The following RALY variants were observed in gnomAD, a reference collection of about 807,000 sequenced individuals.
The protein encoded by RALY is RNA-binding protein Raly.
A neutral mutation model predicts 30.7 loss-of-function variants in RALY; 15 were observed. The observed-to-expected ratio is 0.49, with a 90% CI of 0.33 to 0.75. The LOEUF (loss-of-function observed/expected upper bound fraction) is 0.75. RALY is among the 30% of genes least tolerant of loss of function. The pLI is 0.02. For synonymous variants in RALY, 177 were observed against 170.8 expected (o/e 1.04, Z -0.28); for missense variants, 339 against 414.3 (o/e 0.82, Z 1.58).
intron 2 of RALY, among the ~76,000 whole-genome samples, chr20:34,031,988 G>A (rs2032297923): frequency 6.6e-6 from 1 of 152,118 alleles, no homozygotes; most frequent in South Asian, 2.1e-4. Flanking sequence ...TTGAGATGGA[G>A]TTTCGCTCTT....
intron 2 of RALY, among the ~76,000 whole-genome samples, chr20:34,062,187 C>T (rs2033437334): frequency 6.6e-6 from 1 of 152,116 alleles, no homozygotes; most frequent in Non-Finnish European, 1.5e-5. Context: ...GCTAGATAGG[C>T]CTGGCATATA....
rs190757838 is a variant in RALY, at chr20:34,042,872, A to G, written c.-10+11268A>G. ...GAATAACAAAATTCCATTTCCCAAG[A>G]GTGTCAGATGACTTAGTTCATAGTA... On this transcript the variant is annotated intron_variant, in intron 2 of 9. Coordinates refer to ENST00000246194, the MANE Select transcript of RALY (RefSeq NM_016732.3). Among the ~76,000 whole-genome samples, 29 of 152,334 alleles carry G rather than the reference A, an allele frequency of 1.9e-4. No homozygotes were observed. The East Asian group carries it at 4.6e-3, about 24-fold the overall frequency.
chr20:34,075,545 A>G (rs1449551126), intron 5 of RALY, among the ~76,000 whole-genome samples: 1 of 151,924 alleles, frequency 6.6e-6, no homozygotes, highest in Non-Finnish European at 1.5e-5. Flanking sequence ...AGCAGAAGCC[A>G]GGTCATGTAA....
At chr20:34,043,035 AC>A (rs1442371013) in intron 2 of RALY, among the ~76,000 whole-genome samples, 1 of 152,216 alleles carries the variant, frequency 6.6e-6, no homozygotes, top group Non-Finnish European at 1.5e-5. Context: ...AGCCATCCCA[AC>A]CCAGGAAGGC....
chr20:34,067,391 C>A (rs560155223), intron 2 of RALY, among the ~76,000 whole-genome samples: 1 of 152,106 alleles, frequency 6.6e-6, no homozygotes, highest in Non-Finnish European at 1.5e-5. Context: ...GTCCTGAACT[C>A]CTAACCTCAA....
At chr20:33,994,382 C>A (rs1028746619) in intron 1 of RALY, 6 of 152,612 alleles carry the variant, frequency 3.9e-5, no homozygotes, top group African/African-American at 1.4e-4. Flanking sequence ...TCCCTGTCTG[C>A]TCTCTCCGCG....
intron 1 of RALY, among the ~76,000 whole-genome samples, chr20:34,026,374 T>TTTTATTTA (rs372397530): frequency 0.029 from 4,110 of 142,418 alleles, 123 homozygotes; most frequent in East Asian, 0.065. Flanking sequence ...ACCTCAGACA[T>TTTTATTTA]TTTATTTATT....
chr20:34,074,898 C>T (rs991390896), intron 5 of RALY, among the ~76,000 whole-genome samples: 5 of 152,196 alleles, frequency 3.3e-5, no homozygotes, highest in Non-Finnish European at 7.3e-5. Flanking sequence ...AAAGGAGCCC[C>T]AAGGAATGGG....
At chr20:34,044,063 G>A (rs2032792322) in intron 2 of RALY, among the ~76,000 whole-genome samples, 1 of 152,006 alleles carries the variant, frequency 6.6e-6, no homozygotes, top group Non-Finnish European at 1.5e-5. Flanking sequence ...GACCAGTGAG[G>A]ACAGAGGCAC....
At chr20:34,003,671 G>A (rs1215166482) in intron 1 of RALY, among the ~76,000 whole-genome samples, 1 of 125,542 alleles carries the variant, frequency 8.0e-6, no homozygotes, top group Non-Finnish European at 1.6e-5. Context: ...ACGGAGTCTC[G>A]CTCTGTCGCC....
chr20:34,041,542 C>G (rs2032700440), intron 2 of RALY, among the ~76,000 whole-genome samples: 1 of 152,206 alleles, frequency 6.6e-6, no homozygotes, highest in Non-Finnish European at 1.5e-5. Context: ...GGAGCAGGCC[C>G]TTAGTCTCTG....
chr20:34,003,634 GTTTTTTTTTT>G (rs775178178), intron 1 of RALY, among the ~76,000 whole-genome samples: 2 of 112,962 alleles, frequency 1.8e-5, no homozygotes, highest in African/African-American at 8.2e-5. Context: ...ATGCCAAACA[GTTTTTTTTTT>G]TTTTTTTTTT....
At chr20:34,049,313 T>C (rs978145951) in intron 2 of RALY, 6 of 154,340 alleles carry the variant, frequency 3.9e-5, no homozygotes, top group Admixed American at 3.3e-4. Flanking sequence ...GTTCTAGATA[T>C]GTTTCTGCTA....
rs75999067 is a variant in RALY at position 34,048,303 on chromosome 20, G to T, written c.-10+16699G>T. Among the ~76,000 whole-genome samples, 7 of 152,232 alleles carry T rather than the reference G, an allele frequency of 4.6e-5. No homozygotes were observed. The East Asian group carries it at 9.6e-4, about 21-fold the overall frequency. On this transcript the variant is annotated intron_variant, in intron 2 of 9. Coordinates refer to ENST00000246194, the MANE Select transcript of RALY (RefSeq NM_016732.3). ...CTGACAGCAGAGTCGTGTGTCTCTC[G>T]TGCTCCTGGGGGGATGAGAGTGTTG...
At chr20:34,059,209 C>T (rs1483224063) in intron 2 of RALY, among the ~76,000 whole-genome samples, 1 of 152,142 alleles carries the variant, frequency 6.6e-6, no homozygotes, top group Non-Finnish European at 1.5e-5. Context: ...GCCTTTGGGG[C>T]TGTGAGGGGT....
chr20:34,023,948 C>T (rs1427099225), intron 1 of RALY, among the ~76,000 whole-genome samples: 4 of 152,168 alleles, frequency 2.6e-5, no homozygotes, highest in Non-Finnish European at 5.9e-5. Flanking sequence ...CGCCTGTAAT[C>T]CCAGCACTTT....
chr20:34,075,687 G>A (rs532711500), intron 5 of RALY, among the ~76,000 whole-genome samples, 187 bp from the exon 6 acceptor site: 1 of 152,234 alleles, frequency 6.6e-6, no homozygotes, highest in South Asian at 2.1e-4. Context: ...AGGTAGTGAG[G>A]ATCCCAACAG....
chr20:34,019,694 T>C (rs1601421282), intron 1 of RALY, among the ~76,000 whole-genome samples: 1 of 151,248 alleles, frequency 6.6e-6, no homozygotes, highest in South Asian at 2.1e-4. Flanking sequence ...TCTGGGGGAG[T>C]GGGGAGGTAG....
At position 34,083,323 on chromosome 20, in the gene RALY, T is replaced by TGGCTGGGC. The variant is rs1192813778; in HGVS notation, c.*3419_*3426dup. On this transcript the variant is annotated 3_prime_UTR_variant, in exon 10 of 10. Transcript: ENST00000246194. ...TGGCCTCGCCCGCCTGTCAGGTGGT[T>TGGCTGGGC]GGCTGGGCAACTGGGCCACACGTTC... 6.6e-5 allele frequency: 10 copies of TGGCTGGGC among 152,198 alleles called. No individual in the cohort carries two copies. The highest frequency in any genetic ancestry group is 2.2e-4 in the African/African-American group (9 of 41,444). The allele number at this position is 152,198 out of a possible 1,614,324, so 9.4% of individuals were successfully genotyped here. A position where few individuals can be genotyped will look rare whatever the true frequency, so the allele number is the denominator to read the frequency against.
Sources: gnomAD v4.1 joint callset for allele counts (sites outside exome capture counted in the v4.1 genomes callset) on GRCh38, gnomAD v4.1.1 for gene constraint, MANE v1.5 for transcripts, NCBI Gene and HGNC (gene_info 2026-07-23, HGNC 2026-07-21) for gene names.